Variants in UVRAG observed in about 807,000 individuals in gnomAD.
UVRAG encodes the protein UV radiation resistance associated.
In UVRAG, 19 loss-of-function variants were observed where a neutral mutation model predicts 78.0. The observed-to-expected ratio is 0.24, with a 90% CI of 0.17 to 0.36. The LOEUF is 0.36. Ranked by LOEUF, UVRAG falls within the 10% of genes least tolerant of loss-of-function variation. The probability of loss-of-function intolerance (pLI) is 1.00; values close to 1 mark genes in which losing one functional copy is unlikely to be tolerated. For missense variants in UVRAG, 740 were observed against 853.8 expected (o/e 0.87, Z 1.66); for synonymous variants, 323 against 324.6 (o/e 1.00, Z 0.05).
intron 7 of UVRAG, among the ~76,000 whole-genome samples, chr11:75,973,443 G>C (rs1424052488): frequency 6.6e-6 from 1 of 152,132 alleles, no homozygotes; most frequent in Admixed American, 6.5e-5. Context: ...GATTTGATTT[G>C]CTAATATTTT....
intron 6 of UVRAG, among the ~76,000 whole-genome samples, chr11:75,914,887 G>A (rs1947817467): frequency 6.6e-6 from 1 of 152,040 alleles, no homozygotes; most frequent in Non-Finnish European, 1.5e-5. Context: ...CTTTTTGTGT[G>A]GGAGTGTCAC....
chr11:75,920,969 A>G (rs756661085), intron 6 of UVRAG, among the ~76,000 whole-genome samples: 19 of 152,216 alleles, frequency 1.2e-4, no homozygotes, highest in Non-Finnish European at 2.2e-4. Flanking sequence ...GGCATTTAAT[A>G]TAATATTTAC....
intron 7 of UVRAG, among the ~76,000 whole-genome samples, chr11:75,967,943 G>A (rs1949056710): frequency 6.6e-6 from 1 of 152,176 alleles, no homozygotes; most frequent in South Asian, 2.1e-4. Context: ...CCAGGAACAT[G>A]CTTGAGGAAC....
At chr11:76,074,642 C>T (rs928469690) in intron 13 of UVRAG, among the ~76,000 whole-genome samples, 2 of 152,170 alleles carry the variant, frequency 1.3e-5, no homozygotes, top group African/African-American at 4.8e-5. Context: ...TGAGCTGCTG[C>T]TATGCTGATT....
At chr11:75,863,830 AC>A (rs1946478478) in intron 3 of UVRAG, among the ~76,000 whole-genome samples, 1 of 152,188 alleles carries the variant, frequency 6.6e-6, no homozygotes, top group East Asian at 1.9e-4. Flanking sequence ...TGTACCTCAT[AC>A]AGTGTTTGCT....
At chr11:75,866,603 A>T (rs1357980408) in intron 3 of UVRAG, among the ~76,000 whole-genome samples, 1 of 151,720 alleles carries the variant, frequency 6.6e-6, no homozygotes, top group African/African-American at 2.4e-5. Flanking sequence ...TTTTTTTTTT[A>T]ATACCACTAG....
intron 8 of UVRAG, among the ~76,000 whole-genome samples, chr11:75,990,882 G>A (rs1346697797): frequency 6.6e-6 from 1 of 152,084 alleles, no homozygotes; most frequent in Non-Finnish European, 1.5e-5. Flanking sequence ...ATAGTACCTG[G>A]GATATAGTAC....
At chr11:75,920,016 T>TG (rs1947943095) in intron 6 of UVRAG, among the ~76,000 whole-genome samples, 3 of 86,058 alleles carry the variant, frequency 3.5e-5, no homozygotes, top group Admixed American at 3.1e-4. Context: ...TGGTTTTTTT[T>TG]TTTTTTTTTT....
intron 14 of UVRAG, among the ~76,000 whole-genome samples, chr11:76,135,079 A>G (rs1272298274): frequency 6.6e-6 from 1 of 152,210 alleles, no homozygotes; most frequent in African/African-American, 2.4e-5. Context: ...CTAACGCCTG[A>G]TGATCTGAGG....
intron 6 of UVRAG, 92 bp from the exon 7 acceptor site, chr11:75,961,352 T>C: frequency 1.1e-6 from 1 of 909,148 alleles, no homozygotes; most frequent in East Asian, 2.6e-5. Context: ...TTATTAATTC[T>C]ATGTATCCTC....
At chr11:76,068,162 T>A (rs564776474) in intron 13 of UVRAG, among the ~76,000 whole-genome samples, 17 of 152,182 alleles carry the variant, frequency 1.1e-4, no homozygotes, top group Non-Finnish European at 2.1e-4. Flanking sequence ...AAAGATCATA[T>A]AAAGTGTTGC....
intron 1 of UVRAG, among the ~76,000 whole-genome samples, chr11:75,848,059 A>G (rs373148617): frequency 2.9e-4 from 43 of 150,114 alleles, no homozygotes; most frequent in African/African-American, 1.0e-3. Context: ...TTAGCTGGGC[A>G]TGGTGGCATA....
chr11:75,840,044 A>T (rs762566759), intron 1 of UVRAG, among the ~76,000 whole-genome samples: 1 of 152,054 alleles, frequency 6.6e-6, no homozygotes, highest in Non-Finnish European at 1.5e-5. Context: ...CTATTACTCA[A>T]CATCTGGACC....
At position 75,911,366 on chromosome 11, in the gene UVRAG, G is replaced by A. The variant is rs1228109799; in HGVS notation, c.508-588G>A. On this transcript the variant is annotated intron_variant, in intron 5 of 14. Coordinates refer to ENST00000356136, the MANE Select transcript of UVRAG (RefSeq NM_003369.4). ...CTCCACTTCCGTGTCTTTGATCCTG[G>A]GTGGGCACGTTTCCTGGGTCCCTGT... The A allele has an allele frequency of 4.3e-5, 7 of 162,216 alleles. No homozygotes were observed. The East Asian group carries it at 1.2e-3, about 27-fold the overall frequency. The allele number at this position is 162,216 out of a possible 1,614,324, so 10.0% of individuals were successfully genotyped here.
chr11:75,964,248 C>T (rs564207813), intron 7 of UVRAG, among the ~76,000 whole-genome samples: 3 of 152,220 alleles, frequency 2.0e-5, no homozygotes, highest in East Asian at 1.9e-4. Flanking sequence ...GTCAGGGTGA[C>T]GTTGGCCGCA....
chr11:76,014,109 A>G (rs1950103526), intron 11 of UVRAG, among the ~76,000 whole-genome samples: 1 of 152,204 alleles, frequency 6.6e-6, no homozygotes, highest in South Asian at 2.1e-4. Flanking sequence ...TTTATCTTTA[A>G]ACAAAGTTGT....
At chr11:76,015,707 C>G (rs1235843577) in intron 11 of UVRAG, among the ~76,000 whole-genome samples, 1 of 152,144 alleles carries the variant, frequency 6.6e-6, no homozygotes, top group Non-Finnish European at 1.5e-5. Flanking sequence ...GAATGGATCT[C>G]TGTAGTGGCA....
intron 11 of UVRAG, 68 bp from the exon 12 acceptor site, chr11:76,016,745 TTA>T (rs1950152364): frequency 7.8e-7 from 1 of 1,289,840 alleles, no homozygotes; most frequent in African/African-American, 1.5e-5. Flanking sequence ...TCTTTGAAAA[TTA>T]TTTATTATCT....
intron 12 of UVRAG, among the ~76,000 whole-genome samples, chr11:76,036,268 G>T (rs1591160663): frequency 6.6e-6 from 1 of 152,158 alleles, no homozygotes; most frequent in South Asian, 2.1e-4. Flanking sequence ...GTTAAATTAG[G>T]CTGGGCACGG....
Sources: allele counts gnomAD v4.1 joint callset (sites outside exome capture counted in the v4.1 genomes callset), GRCh38; gene constraint gnomAD v4.1.1; transcripts MANE v1.5; gene names NCBI Gene and HGNC (gene_info 2026-07-23, HGNC 2026-07-21).